ARFGAP2: variants seen among roughly 807,000 people sequenced by gnomAD.
ARFGAP2 encodes ARF GTPase activating protein 2.
In ARFGAP2, 45 loss-of-function variants were observed where a neutral mutation model predicts 71.9. The ratio of observed to expected loss-of-function variants is 0.63; its 90% CI spans 0.49 to 0.80. ARFGAP2 has a LOEUF of 0.80. Ranked by LOEUF, ARFGAP2 falls within the 30% of genes least tolerant of loss-of-function variation. ARFGAP2 has a pLI of 0.00. For synonymous variants in ARFGAP2, 248 were observed against 249.2 expected (o/e 1.00, Z 0.05); for missense variants, 633 against 673.9 (o/e 0.94, Z 0.67).
rs376079930 is a variant in ARFGAP2, at chr11:47,171,471, T to C, written c.896A>G (p.Lys299Arg). 2.5e-6 allele frequency: 4 copies of C among 1,614,112 alleles called. No homozygotes were observed. The highest frequency in any genetic ancestry group is 2.5e-6 in the Non-Finnish European group (3 of 1,180,050). Reference sequence around the variant, plus strand: ...GCCCAACCTTTCTGCCTGCTCTCGCTTCTTCCCTTCCAGATTCTGTAGCTT... The same window carrying C: ...GCCCAACCTTTCTGCCTGCTCTCGCCTCTTCCCTTCCAGATTCTGTAGCTT... ...EKKLQNLEGK[K>R]REQAERLGMG... The change falls in exon 10 of 16, where the codon AAG (lysine) becomes AGG (arginine). Residue 299 changes from lysine (K) to arginine (R), a missense_variant. Physicochemically the swap from Lys to Arg is conservative, Grantham distance 26. Transcript: ENST00000524782.
At chr11:47,175,748 A>G in intron 3 of ARFGAP2, 103 bp downstream of exon 3, 1 of 1,332,654 alleles carries the variant, frequency 7.5e-7, no homozygotes. Context: ...TATAGAACAG[A>G]GAACCCTCTG....
In ARFGAP2 at chr11:47,171,564, G is replaced by T; in HGVS notation, c.810-7C>A. The T allele has an allele frequency of 6.2e-7, 1 of 1,614,160 alleles. No individual in the cohort carries two copies. Among genetic ancestry groups the T allele is most frequent in the Non-Finnish European group, 8.5e-7 (1 of 1,180,018 alleles). ...CAGACGCATGGAGGCGACCCTTAGG[G>T]GGAACAAAGGTGTCAGTGGCCACCA... On this transcript the variant is annotated splice_region_variant and splice_polypyrimidine_tract_variant and intron_variant, in intron 9 of 15. Transcript: ENST00000524782.
intron 15 of ARFGAP2, 29 bp from the exon 16 acceptor site, chr11:47,165,531 A>G (rs773566771): frequency 1.3e-6 from 2 of 1,556,560 alleles, no homozygotes; most frequent in South Asian, 1.2e-5. Flanking sequence ...AAAAAAAAAA[A>G]AAAAGTCAGA....
chr11:47,169,841 G>A (rs1402696256), intron 10 of ARFGAP2, among the ~76,000 whole-genome samples: 1 of 151,894 alleles, frequency 6.6e-6, no homozygotes, highest in Non-Finnish European at 1.5e-5. Flanking sequence ...AAATAAATAG[G>A]GTGAGTTGGG....
At chr11:47,170,225 G>A (rs1952540967) in intron 10 of ARFGAP2, among the ~76,000 whole-genome samples, 1 of 150,360 alleles carries the variant, frequency 6.7e-6, no homozygotes, top group African/African-American at 2.4e-5. Context: ...TCAGGAGGCT[G>A]AGGCAGGAGA....
At position 47,164,545 on chromosome 11, in the gene ARFGAP2, G is replaced by A. The variant is rs572951306; in HGVS notation, c.*937C>T. Reference sequence around the variant, plus strand: ...CTTGGCTCAGCTGCCAGAGGGTGAGGCCCACAGCTCTCACTGGCGGGTGCT... The same window carrying A: ...CTTGGCTCAGCTGCCAGAGGGTGAGACCCACAGCTCTCACTGGCGGGTGCT... On this transcript the variant is annotated 3_prime_UTR_variant, in exon 16 of 16. Transcript: ENST00000524782. 4 of 236,980 alleles carry A rather than the reference G, an allele frequency of 1.7e-5. No individual in the cohort carries two copies. Among genetic ancestry groups the A allele is most frequent in the Admixed American group, 5.3e-5 (1 of 18,724 alleles). 14.7% of individuals were successfully genotyped at this position (236,980 alleles called of 1,614,324 possible). A position where few individuals can be genotyped will look rare whatever the true frequency, so the allele number is the denominator to read the frequency against.
intron 12 of ARFGAP2, among the ~76,000 whole-genome samples, chr11:47,167,425 G>A (rs1249500614): frequency 6.6e-6 from 1 of 152,154 alleles, no homozygotes; most frequent in Admixed American, 6.6e-5. Flanking sequence ...TTTATACGGG[G>A]ATAACTCACA....
In ARFGAP2 at chr11:47,171,564, G is replaced by A. The variant is rs1257843367; in HGVS notation, c.810-7C>T. 6.2e-7 allele frequency: 1 copy of A among 1,614,160 alleles called. No homozygotes were observed. Among genetic ancestry groups the A allele is most frequent in the Non-Finnish European group, 8.5e-7 (1 of 1,180,018 alleles). On this transcript the variant is annotated splice_region_variant and splice_polypyrimidine_tract_variant and intron_variant, in intron 9 of 15. Transcript: ENST00000524782. ...CAGACGCATGGAGGCGACCCTTAGG[G>A]GGAACAAAGGTGTCAGTGGCCACCA...
At position 47,176,067 on chromosome 11, in the gene ARFGAP2, C is replaced by G. The variant is rs112938118; in HGVS notation, c.192-144G>C. 6.4e-4 allele frequency: 471 copies of G among 737,796 alleles called. 1 individual carries two copies. The African/African-American group carries it at 7.2e-3, about 11-fold the overall frequency. The allele number at this position is 737,796 out of a possible 1,614,324, so 45.7% of individuals were successfully genotyped here. On this transcript the variant is annotated intron_variant, in intron 2 of 15. Transcript: ENST00000524782. ...ATCACCCCATTTCCTCCACACTACC[C>G]TGTCCATGAAAACTCTCCTCTTCGT...
Position 47,172,370 on chromosome 11 carries a change from G to A in ARFGAP2, c.620-37C>T, listed in dbSNP as rs753387303. ...ACGGGTAGGCATGAGCTAAGACAAA[G>A]GCAGCTCAGAGGCAGTAGCTCAGTA... On this transcript the variant is annotated intron_variant, in intron 7 of 15. Coordinates refer to ENST00000524782, the MANE Select transcript of ARFGAP2 (RefSeq NM_032389.6). 3.1e-6 allele frequency: 5 copies of A among 1,611,390 alleles called. No individual in the cohort carries two copies. In the African/African-American group the frequency reaches 6.7e-5, roughly 22 times the overall value.
Position 47,175,224 on chromosome 11 carries a change from G to T in ARFGAP2, c.354C>A (p.Ile118=). 2 of 1,614,148 alleles carry T rather than the reference G, an allele frequency of 1.2e-6. No individual in the cohort carries two copies. The highest frequency in any genetic ancestry group is 2.2e-5 in the South Asian group (2 of 91,068). Residue 118 remains isoleucine (I), a synonymous_variant, in exon 4 of 16, where the codon ATC becomes ATA. Coordinates refer to ENST00000524782, the MANE Select transcript of ARFGAP2 (RefSeq NM_032389.6). ...SRAAQMYREK[I]RQLGSAALAR... Reference sequence around the variant, plus strand: ...CCAGGGCCGCACTCCCCAGCTGCCGGATCTTCTCCCGGTACATCTGGGCAG... The same window carrying T: ...CCAGGGCCGCACTCCCCAGCTGCCGTATCTTCTCCCGGTACATCTGGGCAG...
Position 47,176,518 on chromosome 11 carries a change from G to A in ARFGAP2, c.189C>T (p.Ile63=). Residue 63 remains isoleucine (I), a splice_region_variant and synonymous_variant, in exon 2 of 16, where the codon ATC becomes ATT. Coordinates refer to ENST00000524782, the MANE Select transcript of ARFGAP2 (RefSeq NM_032389.6). ...CGGCAACCGCGCGGAGAGCCTACCT[G>A]ATGAAGCTCAGATGGACGCCCAGGG... The part of the protein sequence containing the change: ...HRSLGVHLSF[I]RSTELDSNWN... 6.2e-7 allele frequency: 1 copy of A among 1,613,320 alleles called. No homozygotes were observed. Among genetic ancestry groups the A allele is most frequent in the Non-Finnish European group, 8.5e-7 (1 of 1,179,914 alleles).
Position 47,175,089 on chromosome 11 carries a change from C to T in ARFGAP2, c.406G>A (p.Asp136Asn), listed in dbSNP as rs1288355965. 6.2e-7 allele frequency: 1 copy of T among 1,614,030 alleles called. No individual in the cohort carries two copies. Among genetic ancestry groups the T allele is most frequent in the East Asian group, 2.2e-5 (1 of 44,896 alleles). ...TTAGGAACGGCACTACTCATGTTGT[C>T]TATCCAAAGCTAGAAAGGAGAAGAC... ...LARHGTDLWI[D>N]NMSSAVPNHS... The change falls in exon 5 of 16, where the codon GAC (aspartate) becomes AAC (asparagine). Residue 136 changes from aspartate (D) to asparagine (N), a missense_variant. Transcript: ENST00000524782.
chr11:47,166,206 T>C, intron 15 of ARFGAP2, 62 bp downstream of exon 15: 1 of 1,536,630 alleles, frequency 6.5e-7, no homozygotes, highest in Non-Finnish European at 9.0e-7. Context: ...TAGCAGTGTC[T>C]CTATGTGGTG....
intron 2 of ARFGAP2, 99 bp downstream of exon 2, chr11:47,176,417 G>A (rs1590965306): frequency 1.7e-6 from 2 of 1,195,536 alleles, no homozygotes; most frequent in South Asian, 1.3e-5. Context: ...GCTTCCCACC[G>A]AATTCAGAGC....
At chr11:47,176,692 G>C in intron 1 of ARFGAP2, 58 bp from the exon 2 acceptor site, 1 of 1,610,250 alleles carries the variant, frequency 6.2e-7, no homozygotes. Flanking sequence ...GCCAGGCACC[G>C]ACACCCCAGA....
chr11:47,173,605 A>C, intron 6 of ARFGAP2, 123 bp from the exon 7 acceptor site: 2 of 1,399,920 alleles, frequency 1.4e-6, no homozygotes. Context: ...TAAAAGGAAT[A>C]TCTACCACTT....
chr11:47,173,356 G>T, intron 7 of ARFGAP2, 70 bp downstream of exon 7: 1 of 1,521,938 alleles, frequency 6.6e-7, no homozygotes, highest in Non-Finnish European at 8.9e-7. Flanking sequence ...CAGGCAGTAG[G>T]ACCTCTGAAA....
At chr11:47,171,293 A>G in intron 10 of ARFGAP2, 133 bp downstream of exon 10, 1 of 1,426,236 alleles carries the variant, frequency 7.0e-7, no homozygotes, top group Non-Finnish European at 9.5e-7. Flanking sequence ...TAGGGACTTT[A>G]GAACAATAAG....
Sources: allele counts gnomAD v4.1 joint callset (sites outside exome capture counted in the v4.1 genomes callset), GRCh38; gene constraint gnomAD v4.1.1; transcripts MANE v1.5; gene names NCBI Gene and HGNC (gene_info 2026-07-23, HGNC 2026-07-21).